Variants in ADAP2 observed in about 807,000 individuals in gnomAD.
ADAP2 encodes the protein ArfGAP with dual PH domains 2, also known as arf-GAP with dual PH domain-containing protein 2.
A neutral mutation model predicts 54.9 loss-of-function variants in ADAP2; 42 were observed. The observed-to-expected ratio is 0.77, with a 90% CI of 0.60 to 0.99. The LOEUF is 0.99. Ranked by LOEUF, ADAP2 falls within the 50% of genes least tolerant of loss-of-function variation. The probability of loss-of-function intolerance (pLI) is 0.00; values close to 1 mark genes in which losing one functional copy is unlikely to be tolerated. For synonymous variants in ADAP2, 177 were observed against 180.1 expected (o/e 0.98, Z 0.14); for missense variants, 429 against 480.4 (o/e 0.89, Z 1.00).
At chr17:30,941,166 G>T (rs1314325166) in intron 5 of ADAP2, among the ~76,000 whole-genome samples, 1 of 152,192 alleles carries the variant, frequency 6.6e-6, no homozygotes, top group African/African-American at 2.4e-5. Context: ...TGGAAAGTTT[G>T]CCCAGCTTTA....
In ADAP2 at chr17:30,926,923, G is replaced by T. The variant is rs1911097850; in HGVS notation, c.317+5G>T. 1 of 1,610,024 alleles carries T rather than the reference G, an allele frequency of 6.2e-7. No homozygotes were observed. Among genetic ancestry groups the T allele is most frequent in the South Asian group, 1.1e-5 (1 of 90,996 alleles). The stretch of plus-strand genomic sequence containing the variant: ...CCCCCAGGCCAACGACTGCCTGTGA[G>T]TGGGTGATTCCTTAGGGACTGGGTG... On this transcript the variant is annotated splice_donor_5th_base_variant and intron_variant, in intron 3 of 10. Coordinates refer to ENST00000330889, the MANE Select transcript of ADAP2 (RefSeq NM_018404.3).
At chr17:30,951,556 G>A (rs575243570) in intron 7 of ADAP2, among the ~76,000 whole-genome samples, 1 of 151,578 alleles carries the variant, frequency 6.6e-6, no homozygotes, top group Non-Finnish European at 1.5e-5. Context: ...GGCTGGTCTC[G>A]AACTTCTGGC....
chr17:30,922,014 C>T lies in ADAP2; in HGVS notation c.-1C>T. 1.6e-6 allele frequency: 2 copies of T among 1,276,912 alleles called. No homozygotes were observed. Among genetic ancestry groups the T allele is most frequent in the Non-Finnish European group, 2.0e-6 (2 of 1,016,298 alleles). The allele number at this position is 1,276,912 out of a possible 1,614,324, so 79.1% of individuals were successfully genotyped here. A position where few individuals can be genotyped will look rare whatever the true frequency, so the allele number is the denominator to read the frequency against. On this transcript the variant is annotated 5_prime_UTR_variant, in exon 1 of 11. Coordinates refer to ENST00000330889, the MANE Select transcript of ADAP2 (RefSeq NM_018404.3). ...GCCCCGCTGAGCCCGCCGGGCCGGC[C>T]ATGGGCGATCGCGAGCGCAACAAGA...
In ADAP2 at chr17:30,934,183, A is replaced by G. The variant is rs778469202; in HGVS notation, c.398-2A>G. The G allele has an allele frequency of 1.2e-6, 2 of 1,612,814 alleles. No homozygotes were observed. Among genetic ancestry groups the G allele is most frequent in the Admixed American group, 3.3e-5 (2 of 59,968 alleles). The stretch of plus-strand genomic sequence containing the variant: ...CACGCTTTGTCATCCTTGCTGCTTA[A>G]GGTAACCGAGAAGGATTCCTGTGGA... On this transcript the variant is annotated splice_acceptor_variant, in intron 4 of 10. Coordinates refer to ENST00000330889, the MANE Select transcript of ADAP2 (RefSeq NM_018404.3). LOFTEE classifies it high-confidence loss of function.
In ADAP2 at chr17:30,957,985, G is replaced by C. The variant is rs553865588; in HGVS notation, c.*116G>C. ...GCCCCGCAGTCAGCAGCCATTCCTG[G>C]CAGTGAACTCTGCCAGGACTGAAGC... On this transcript the variant is annotated 3_prime_UTR_variant, in exon 11 of 11. Coordinates refer to ENST00000330889, the MANE Select transcript of ADAP2 (RefSeq NM_018404.3). The C allele has an allele frequency of 4.9e-5, 49 of 1,006,738 alleles. No homozygotes were observed. Among genetic ancestry groups the C allele is most frequent in the Non-Finnish European group, 6.9e-5 (45 of 651,452 alleles). The allele number at this position is 1,006,738 out of a possible 1,614,324, so 62.4% of individuals were successfully genotyped here.
intron 8 of ADAP2, among the ~76,000 whole-genome samples, chr17:30,953,847 A>T (rs951593989): frequency 2.0e-5 from 3 of 150,882 alleles, no homozygotes; most frequent in Non-Finnish European, 4.4e-5. Flanking sequence ...AAATTCGTGA[A>T]CTTTCTTAAA....
intron 10 of ADAP2, among the ~76,000 whole-genome samples, chr17:30,957,422 T>G (rs986061393): frequency 9.3e-5 from 14 of 149,950 alleles, no homozygotes; most frequent in South Asian, 8.5e-4. Context: ...GTCTTTGTGT[T>G]TTTTTTTTTA....
intron 8 of ADAP2, 195 bp from the exon 9 acceptor site, chr17:30,954,283 A>G: frequency 1.8e-6 from 1 of 559,240 alleles, no homozygotes; most frequent in East Asian, 2.7e-5. Context: ...TTGGAAGGGG[A>G]ATGGGCAGAA....
At position 30,934,191 on chromosome 17, in the gene ADAP2, G is replaced by A. The variant is rs771539682; in HGVS notation, c.404G>A (p.Arg135Gln). The A allele has an allele frequency of 3.1e-6, 5 of 1,613,748 alleles. No homozygotes were observed. The highest frequency in any genetic ancestry group is 4.5e-5 in the East Asian group (2 of 44,878). ...DGETISLPGNREGFLWKRGRD... is the reference protein window; with the variant it reads ...DGETISLPGNQEGFLWKRGRD... ...GTCATCCTTGCTGCTTAAGGTAACC[G>A]AGAAGGATTCCTGTGGAAGCGAGGA... Residue 135 changes from arginine (R) to glutamine (Q), a missense_variant, in exon 5 of 11, where the codon CGA becomes CAA. Transcript: ENST00000330889.
intron 7 of ADAP2, 100 bp from the exon 8 acceptor site, chr17:30,953,188 T>C (rs1904804965): frequency 5.0e-6 from 5 of 1,000,404 alleles, no homozygotes; most frequent in South Asian, 1.3e-5. Flanking sequence ...GCGTACATCC[T>C]TCCCCATTTC....
In ADAP2 at chr17:30,956,393, T is replaced by C. The variant is rs199800075; in HGVS notation, c.1035T>C (p.Ser345=). The part of the protein sequence containing the change: ...PERRFVLTCP[S]EKEQQEWLES... ...GGAGATTTGTCCTCACTTGCCCCAG[T>C]GAGAAGGAACAGCAGGAATGGCTGG... The change falls in exon 10 of 11, where the codon AGT becomes AGC. Residue 345 remains serine (S), a synonymous_variant. Coordinates refer to ENST00000330889, the MANE Select transcript of ADAP2 (RefSeq NM_018404.3). The C allele has an allele frequency of 1.1e-4, 170 of 1,614,142 alleles. No individual in the cohort carries two copies. The highest frequency in any genetic ancestry group is 2.2e-4 in the Admixed American group (13 of 60,020).
intron 7 of ADAP2, among the ~76,000 whole-genome samples, chr17:30,952,031 G>C (rs1904694326): frequency 6.6e-6 from 1 of 152,134 alleles, no homozygotes; most frequent in Non-Finnish European, 1.5e-5. Context: ...CACTTCCCCT[G>C]TGCCTCTGCC....
chr17:30,943,226 G>A (rs563207317), intron 5 of ADAP2, among the ~76,000 whole-genome samples: 14 of 152,106 alleles, frequency 9.2e-5, no homozygotes, highest in East Asian at 5.8e-4. Flanking sequence ...TTAGCCAGGC[G>A]TGGTGGCGTA....
At chr17:30,936,563 C>CA (rs1471142561) in intron 5 of ADAP2, among the ~76,000 whole-genome samples, 3 of 152,116 alleles carry the variant, frequency 2.0e-5, no homozygotes, top group African/African-American at 7.2e-5. Context: ...TGTTGAGCAT[C>CA]TTTTTAATGT....
At position 30,926,662 on chromosome 17, in the gene ADAP2, A is replaced by T. The variant is rs932285327; in HGVS notation, c.226-165A>T. 20 of 632,504 alleles carry T rather than the reference A, an allele frequency of 3.2e-5. 1 individual carries two copies. In the Admixed American group the frequency reaches 5.1e-4, roughly 16 times the overall value. The allele number at this position is 632,504 out of a possible 1,614,324, so 39.2% of individuals were successfully genotyped here. ...TGAGGCATGGTTATATCTGCCCATG[A>T]TTGTTACAGGCTGGGGCTTCCCAGC... On this transcript the variant is annotated intron_variant, in intron 2 of 10. Transcript: ENST00000330889.
chr17:30,947,895 T>C (rs992712468), intron 6 of ADAP2, among the ~76,000 whole-genome samples: 2 of 152,180 alleles, frequency 1.3e-5, no homozygotes, highest in Non-Finnish European at 2.9e-5. Context: ...GCCTCTGTGT[T>C]GCTCCAGGCC....
In ADAP2 at chr17:30,954,681, G is replaced by GCT. The variant is rs1678224890; in HGVS notation, c.882+126_882+127insCT. On this transcript the variant is annotated intron_variant, in intron 9 of 10. Transcript: ENST00000330889. Reference sequence around the variant, plus strand: ...AGCCCCAGAGCTAGAGAAACCTTGAGAGGAAAACCTCTACCCCTTGTTTTT... The same window carrying GCT: ...AGCCCCAGAGCTAGAGAAACCTTGAGCTAGGAAAACCTCTACCCCTTGTTTTT... The GCT allele has an allele frequency of 9.7e-5, 73 of 748,988 alleles. No homozygotes were observed. In the East Asian group the frequency reaches 1.9e-3, roughly 19 times the overall value. The allele number at this position is 748,988 out of a possible 1,614,324, so 46.4% of individuals were successfully genotyped here. A position where few individuals can be genotyped will look rare whatever the true frequency, so the allele number is the denominator to read the frequency against.
intron 3 of ADAP2, among the ~76,000 whole-genome samples, chr17:30,928,154 C>G (rs1911200708): frequency 7.0e-6 from 1 of 143,564 alleles, no homozygotes; most frequent in Admixed American, 7.1e-5. Context: ...GATCACGCCA[C>G]TGCACTCCAG....
intron 5 of ADAP2, among the ~76,000 whole-genome samples, chr17:30,935,669 G>T (rs1184491608): frequency 6.6e-6 from 1 of 152,164 alleles, no homozygotes; most frequent in African/African-American, 2.4e-5. Context: ...CCCCAGTCTC[G>T]AAAATCAGAA....
Sources: allele counts gnomAD v4.1 joint callset (sites outside exome capture counted in the v4.1 genomes callset), GRCh38; gene constraint gnomAD v4.1.1; transcripts MANE v1.5; gene names NCBI Gene and HGNC (gene_info 2026-07-23, HGNC 2026-07-21).